The following ATG7 variants were observed in gnomAD, a reference collection of about 807,000 sequenced individuals.
ATG7 encodes ubiquitin-like modifier-activating enzyme ATG7.
ATG7 carries 70 observed loss-of-function variants against 82.4 expected under a neutral mutation model. The ratio of observed to expected loss-of-function variants is 0.85; its 90% CI spans 0.70 to 1.04. The LOEUF (loss-of-function observed/expected upper bound fraction) is 1.04, where lower values mean the gene tolerates loss of function less well. ATG7 is among the 50% of genes least tolerant of loss of function. The probability of loss-of-function intolerance (pLI) is 0.00; values close to 1 mark genes in which losing one functional copy is unlikely to be tolerated. For missense variants in ATG7, 792 were observed against 864.3 expected, an observed-to-expected ratio of 0.92 and a Z score of 1.05; for synonymous variants, 287 against 313.0, an observed-to-expected ratio of 0.92 and a Z score of 0.88.
Position 11,358,457 on chromosome 3 carries a change from C to T in ATG7, c.1324C>T (p.His442Tyr), listed in dbSNP as rs1241236882. 1.2e-6 allele frequency: 2 copies of T among 1,613,946 alleles called. No individual in the cohort carries two copies. The highest frequency in any genetic ancestry group is 1.7e-6 in the Non-Finnish European group (2 of 1,179,926). ...GFNMSIPMPG[H>Y]PVNFSSVTLE... ...CAACATGAGCATACCTATGCCTGGGCATCCAGTGAACTTCTCCAGTGTCAC... is the reference window on the plus strand; with the variant it reads ...CAACATGAGCATACCTATGCCTGGGTATCCAGTGAACTTCTCCAGTGTCAC... Residue 442 changes from histidine to tyrosine, a missense_variant, in exon 15 of 21, where the codon CAT (histidine) becomes TAT (tyrosine). By Grantham distance (83) the His-to-Tyr change is moderately conservative (BLOSUM62 2). Transcript: ENST00000693202.
the ATG7 span, among the ~76,000 whole-genome samples, chr3:11,573,874 G>A: frequency 4.6e-5 from 7 of 152,346 alleles, no homozygotes; most frequent in East Asian, 1.9e-4. Context: ...CAAGTAAGCT[G>A]TGGTTATGAG....
chr3:11,305,397 G>C (rs1947557919), intron 5 of ATG7, among the ~76,000 whole-genome samples: 2 of 152,162 alleles, frequency 1.3e-5, no homozygotes, highest in Non-Finnish European at 2.9e-5. Flanking sequence ...TCACACACCT[G>C]GGAAGTTTGG....
At chr3:11,467,207 C>G (rs1244085070) in intron 20 of ATG7, among the ~76,000 whole-genome samples, 1 of 152,034 alleles carries the variant, frequency 6.6e-6, no homozygotes, top group Non-Finnish European at 1.5e-5. Flanking sequence ...CTCAGGAAGC[C>G]AAAGAGATAG....
intron 20 of ATG7, among the ~76,000 whole-genome samples, chr3:11,503,551 G>A (rs547760108): frequency 2.0e-5 from 3 of 152,000 alleles, no homozygotes; most frequent in Non-Finnish European, 4.4e-5. Flanking sequence ...GAAGTCAGGA[G>A]GTCAAGACCA....
rs149354734 is a variant in ATG7, at chr3:11,462,296, T to A, written c.2079+35370T>A. ...TTCTTTTATGAGATAGTCTGTTAGG[T>A]GCAGCCACAAGAAGGAGACACAGGA... On this transcript the variant is annotated intron_variant, in intron 20 of 20. Coordinates refer to ENST00000693202, the MANE Select transcript of ATG7 (RefSeq NM_001349232.2). 3.0e-4 allele frequency among the ~76,000 whole-genome samples: 46 copies of A among 151,942 alleles called. No homozygotes were observed. In the East Asian group the frequency reaches 8.8e-3, roughly 29 times the overall value.
At chr3:11,536,713 G>T (rs964840899) in intron 20 of ATG7, among the ~76,000 whole-genome samples, 1 of 152,076 alleles carries the variant, frequency 6.6e-6, no homozygotes, top group East Asian at 1.9e-4. Context: ...CTGCGGCTCC[G>T]ACCGGGGCCG....
chr3:11,430,294 G>A (rs1179656669), intron 20 of ATG7, among the ~76,000 whole-genome samples: 1 of 152,066 alleles, frequency 6.6e-6, no homozygotes, highest in Non-Finnish European at 1.5e-5. Context: ...ATGTGTGTAT[G>A]CGCATATAAG....
At chr3:11,522,123 C>T (rs1277954279) in intron 20 of ATG7, among the ~76,000 whole-genome samples, 1 of 152,136 alleles carries the variant, frequency 6.6e-6, no homozygotes, top group Non-Finnish European at 1.5e-5. Flanking sequence ...ATCTGTCTAT[C>T]CCTAGAACTC....
intron 19 of ATG7, among the ~76,000 whole-genome samples, chr3:11,424,834 C>G (rs2082227235): frequency 6.6e-6 from 1 of 152,116 alleles, no homozygotes; most frequent in African/African-American, 2.4e-5. Flanking sequence ...CTTCCTGTCT[C>G]CTCCTTCCAC....
the ATG7 span, among the ~76,000 whole-genome samples, chr3:11,573,300 AAAGAAAGG>A: frequency 3.4e-3 from 32 of 9,534 alleles, 2 homozygotes; most frequent in African/African-American, 0.01. Flanking sequence ...AGAAAGAAAG[AAAGAAAGG>A]AAGGAAGGAA....
At chr3:11,442,353 T>C (rs933320464) in intron 20 of ATG7, among the ~76,000 whole-genome samples, 10 of 152,170 alleles carry the variant, frequency 6.6e-5, no homozygotes, top group African/African-American at 2.2e-4. Flanking sequence ...TAATGCCTAC[T>C]CCACAAAGTT....
At chr3:11,340,787 A>G (rs753168302) in intron 12 of ATG7, 52 bp downstream of exon 12, 81 of 1,519,768 alleles carry the variant, frequency 5.3e-5, no homozygotes, top group Non-Finnish European at 1.5e-5. Flanking sequence ...ACCAAGACAC[A>G]CACCAAGTTC....
At chr3:11,414,871 T>C (rs111290325) in intron 19 of ATG7, among the ~76,000 whole-genome samples, 3 of 152,370 alleles carry the variant, frequency 2.0e-5, no homozygotes, top group African/African-American at 7.2e-5. Context: ...TTTTCAAATG[T>C]TGAACCAGGC....
At chr3:11,573,759 T>C in the ATG7 span, among the ~76,000 whole-genome samples, 1 of 152,338 alleles carries the variant, frequency 6.6e-6, no homozygotes, top group South Asian at 2.1e-4. Context: ...CTGCCTTTAA[T>C]TTCTGTAATG....
chr3:11,501,160 G>C (rs1406905949), intron 20 of ATG7, among the ~76,000 whole-genome samples: 1 of 152,216 alleles, frequency 6.6e-6, no homozygotes, highest in African/African-American at 2.4e-5. Context: ...ATGCTGAGGT[G>C]GGAGGATCAC....
intron 20 of ATG7, among the ~76,000 whole-genome samples, chr3:11,542,899 A>C (rs973189829): frequency 1.3e-5 from 2 of 151,472 alleles, no homozygotes; most frequent in African/African-American, 4.9e-5. Context: ...GTTCCTTCAG[A>C]CTCCTAGCTC....
At chr3:11,417,652 CTGATTAT>C (rs1307652760) in intron 19 of ATG7, among the ~76,000 whole-genome samples, 8 of 151,968 alleles carry the variant, frequency 5.3e-5, no homozygotes, top group African/African-American at 1.9e-4. Context: ...ATTCAGATCA[CTGATTAT>C]TGATATAATT....
At chr3:11,371,711 T>A (rs1404056729) in intron 18 of ATG7, among the ~76,000 whole-genome samples, 1 of 151,178 alleles carries the variant, frequency 6.6e-6, no homozygotes, top group Non-Finnish European at 1.5e-5. Context: ...CATGAAAACA[T>A]GGCTTCTTGA....
chr3:11,459,625 C>A (rs2086112766), intron 20 of ATG7, among the ~76,000 whole-genome samples: 1 of 152,016 alleles, frequency 6.6e-6, no homozygotes, highest in Non-Finnish European at 1.5e-5. Flanking sequence ...CTGCCTAGCT[C>A]TTCTTGTCTG....
Sources: gnomAD v4.1 joint callset for allele counts (sites outside exome capture counted in the v4.1 genomes callset) on GRCh38, gnomAD v4.1.1 for gene constraint, MANE v1.5 for transcripts, NCBI Gene and HGNC (gene_info 2026-07-23, HGNC 2026-07-21) for gene names.